Variants in ZNF75D observed in about 807,000 individuals in gnomAD.
The protein encoded by ZNF75D is zinc finger protein 75D, also known as zinc finger protein 75.
A neutral mutation model predicts 33.3 loss-of-function variants in ZNF75D; 33 were observed. The observed-to-expected ratio is 0.99, with a 90% confidence interval of 0.75 to 1.32. The LOEUF is 1.32. ZNF75D is among the 40% of genes most tolerant of loss of function. ZNF75D has a pLI of 0.00. For missense variants in ZNF75D, 338 were observed against 367.5 expected, an observed-to-expected ratio of 0.92 and a Z score of 0.66; for synonymous variants, 113 against 130.6, an observed-to-expected ratio of 0.87 and a Z score of 0.92.
chrX:135,301,411 A>C (rs2084216649), intron 1 of ZNF75D, among the ~76,000 whole-genome samples: 1 of 111,493 alleles, frequency 9.0e-6, no homozygotes, highest in African/African-American at 3.3e-5. Context: ...TAGTCCCCCA[A>C]AGTCTTAATT....
At chrX:135,321,360 AT>A (rs2084493052) in intron 1 of ZNF75D, among the ~76,000 whole-genome samples, 1 of 112,376 alleles carries the variant, frequency 8.9e-6, no homozygotes, top group African/African-American at 3.2e-5. Context: ...TATTTATATA[AT>A]TTTATATTTT....
intron 1 of ZNF75D, among the ~76,000 whole-genome samples, chrX:135,257,572 C>T (rs2083810644): frequency 8.8e-6 from 1 of 113,171 alleles, no homozygotes; most frequent in Admixed American, 9.3e-5. Context: ...TCTGGACATA[C>T]CCAGAACCTG....
In ZNF75D at chrX:135,343,469, TCCCATGGCGAAACA is replaced by T. The variant is rs1368827305; in HGVS notation, c.-2106_-2093del. 4.8e-5 allele frequency: 6 copies of T among 126,136 alleles called. No individual in the cohort carries two copies. The highest frequency in any genetic ancestry group is 3.0e-4 in the Admixed American group (4 of 13,339). 10.4% of individuals were successfully genotyped at this position (126,136 alleles called of 1,213,427 possible). A position where few individuals can be genotyped will look rare whatever the true frequency, so the allele number is the denominator to read the frequency against. On this transcript the variant is annotated 5_prime_UTR_variant, in exon 1 of 7. The change abolishes an upstream ATG in the 5' untranslated region. Transcript: ENST00000370766. ...AGGCCAAAGTCACCCATGGCGAAAC[TCCCATGGCGAAACA>T]CCCATGGCGAAACTGCTGGTGTCCC...
At chrX:135,258,286 T>C in intron 1 of ZNF75D, among the ~76,000 whole-genome samples, 1 of 109,957 alleles carries the variant, frequency 9.1e-6, no homozygotes, top group Non-Finnish European at 1.9e-5. Flanking sequence ...AGTAGCATGA[T>C]TTATAATCCT....
chrX:135,306,199 G>A (rs1185431555), intron 1 of ZNF75D, among the ~76,000 whole-genome samples: 34 of 108,701 alleles, frequency 3.1e-4, no homozygotes, highest in Admixed American at 3.1e-3. Flanking sequence ...CAGATGCGCT[G>A]GGACTGACTT....
At chrX:135,337,170 A>T (rs2084722542) in intron 1 of ZNF75D, among the ~76,000 whole-genome samples, 1 of 112,443 alleles carries the variant, frequency 8.9e-6, no homozygotes, top group Non-Finnish European at 1.9e-5. Context: ...AATGCTTTTC[A>T]TATTTTGCTT....
At chrX:135,305,986 G>T (rs782748253) in intron 1 of ZNF75D, among the ~76,000 whole-genome samples, 19 of 111,306 alleles carry the variant, frequency 1.7e-4, no homozygotes, top group Non-Finnish European at 3.4e-4. Flanking sequence ...GCTCCCTGTG[G>T]TATAGAGATG....
intron 1 of ZNF75D, among the ~76,000 whole-genome samples, chrX:135,257,969 C>T (rs1464250608): frequency 1.8e-5 from 2 of 108,717 alleles, no homozygotes; most frequent in Non-Finnish European, 1.9e-5. Context: ...GGAGCCCCCC[C>T]ACCACCCAAC....
chrX:135,259,053 T>C (rs1261033052), intron 1 of ZNF75D, among the ~76,000 whole-genome samples: 1 of 112,341 alleles, frequency 8.9e-6, no homozygotes, highest in African/African-American at 3.2e-5. Flanking sequence ...AAATAGGGAA[T>C]CCTTTCCCCA....
chrX:135,289,109 CT>C (rs2083997933), intron 6 of ZNF75D, among the ~76,000 whole-genome samples: 1 of 112,433 alleles, frequency 8.9e-6, no homozygotes, highest in Non-Finnish European at 1.9e-5. Flanking sequence ...TGAGAAATCA[CT>C]TTATGTTACC....
intron 2 of ZNF75D, among the ~76,000 whole-genome samples, chrX:135,295,327 A>G (rs2084109766): frequency 8.9e-6 from 1 of 111,885 alleles, no homozygotes; most frequent in African/African-American, 3.3e-5. Context: ...TATGTTCATA[A>G]GCCATCAAAA....
At chrX:135,279,148 T>C (rs1408504728) in intron 1 of ZNF75D, among the ~76,000 whole-genome samples, 1 of 112,164 alleles carries the variant, frequency 8.9e-6, no homozygotes, top group East Asian at 2.8e-4. Flanking sequence ...GGCTATTAAT[T>C]ACTGCCTAAA....
intron 1 of ZNF75D, among the ~76,000 whole-genome samples, chrX:135,270,760 G>A (rs1267731292): frequency 1.8e-5 from 2 of 110,906 alleles, no homozygotes; most frequent in Non-Finnish European, 3.8e-5. Context: ...CACCCATTCA[G>A]GACAGTGACC....
At chrX:135,317,309 C>T (rs189191691) in intron 1 of ZNF75D, among the ~76,000 whole-genome samples, 143 of 111,399 alleles carry the variant, frequency 1.3e-3, no homozygotes, top group African/African-American at 4.5e-3. Flanking sequence ...AACAGTTTTG[C>T]GGGGGACTGG....
chrX:135,321,065 A>G (rs1284331431), intron 1 of ZNF75D, among the ~76,000 whole-genome samples: 1 of 112,109 alleles, frequency 8.9e-6, no homozygotes, highest in Non-Finnish European at 1.9e-5. Context: ...AGGCACTGAC[A>G]CCTGGTCTGG....
chrX:135,288,101 AC>A (rs1216569201), intron 6 of ZNF75D, among the ~76,000 whole-genome samples: 1 of 111,192 alleles, frequency 9.0e-6, no homozygotes, highest in Non-Finnish European at 1.9e-5. Context: ...CTGGTTTAGG[AC>A]CCCAGAAAAA....
At chrX:135,258,507 T>A (rs184214747) in intron 1 of ZNF75D, among the ~76,000 whole-genome samples, 2 of 111,812 alleles carry the variant, frequency 1.8e-5, no homozygotes, top group Admixed American at 1.9e-4. Context: ...TGAGATGGTA[T>A]CTCATGGTGG....
chrX:135,331,022 T>TA (rs1431701591), intron 1 of ZNF75D, among the ~76,000 whole-genome samples: 1 of 112,052 alleles, frequency 8.9e-6, no homozygotes, highest in Non-Finnish European at 1.9e-5. Context: ...AGTTCTCCTC[T>TA]AAAACCTAAT....
At chrX:135,282,951 C>T (rs1460932611), downstream of ZNF75D, among the ~76,000 whole-genome samples, 1 of 111,875 alleles carries the variant, frequency 8.9e-6, no homozygotes, top group African/African-American at 3.3e-5. Flanking sequence ...TACCAGCCAC[C>T]AAAATCATAC....
Sources: allele counts gnomAD v4.1 joint callset (sites outside exome capture counted in the v4.1 genomes callset), GRCh38; gene constraint gnomAD v4.1.1; transcripts MANE v1.5; gene names NCBI Gene and HGNC (gene_info 2026-07-23, HGNC 2026-07-21).